Variants in KIF14 observed in about 807,000 individuals in gnomAD.
KIF14 encodes kinesin-like protein KIF14.
A neutral mutation model predicts 176.2 loss-of-function variants in KIF14; 98 were observed. The ratio of observed to expected loss-of-function variants is 0.56; its 90% CI spans 0.47 to 0.66. KIF14 has a LOEUF of 0.66. KIF14 is among the 30% of genes least tolerant of loss of function. The probability of loss-of-function intolerance (pLI) is 0.00; values close to 1 mark genes in which losing one functional copy is unlikely to be tolerated. For synonymous variants in KIF14, 566 were observed against 632.2 expected, an observed-to-expected ratio of 0.90 and a Z score of 1.57; for missense variants, 1,751 against 1,920.4, an observed-to-expected ratio of 0.91 and a Z score of 1.65.
At position 200,593,779 on chromosome 1, in the gene KIF14, T is replaced by C. The variant is rs748723136; in HGVS notation, c.2550-10A>G. On this transcript the variant is annotated splice_polypyrimidine_tract_variant and intron_variant, in intron 14 of 29. Coordinates refer to ENST00000367350, the MANE Select transcript of KIF14 (RefSeq NM_014875.3). ...AAAATTTTTGATAGTACTGTTAAAA[T>C]AAGAAGCACATAGTTAACAATTATA... is the stretch of plus-strand genomic sequence containing the variant. 1 of 1,486,068 alleles carries C rather than the reference T, an allele frequency of 6.7e-7. No individual in the cohort carries two copies. The highest frequency in any genetic ancestry group is 1.1e-5 in the South Asian group (1 of 88,300). The allele number at this position is 1,486,068 out of a possible 1,614,324, so 92.1% of individuals were successfully genotyped here. A position where few individuals can be genotyped will look rare whatever the true frequency, so the allele number is the denominator to read the frequency against.
chr1:200,589,156 T>C (rs971836924), intron 18 of KIF14, 61 bp downstream of exon 18: 1 of 1,417,908 alleles, frequency 7.1e-7, no homozygotes, highest in Non-Finnish European at 9.6e-7. Flanking sequence ...AGCCACTTCT[T>C]TGAAAAAAAA....
intron 6 of KIF14, 82 bp from the exon 7 acceptor site, chr1:200,605,976 A>T: frequency 1.4e-6 from 1 of 725,546 alleles, no homozygotes; most frequent in Non-Finnish European, 2.2e-6. Flanking sequence ...CATTTCAATT[A>T]CATATTTACG....
chr1:200,599,224 C>G (rs2794411), intron 13 of KIF14, among the ~76,000 whole-genome samples: 51,102 of 152,100 alleles, frequency 0.34, 8,844 homozygotes, highest in African/African-American at 0.35. Flanking sequence ...CAGGATAAAA[C>G]TTAATTTCCT....
intron 22 of KIF14, among the ~76,000 whole-genome samples, chr1:200,573,345 T>A (rs1657915799): frequency 6.6e-6 from 1 of 151,966 alleles, no homozygotes; most frequent in Non-Finnish European, 1.5e-5. Context: ...CCCAGGATGC[T>A]GATATCAGAC....
chr1:200,586,037 TAATTA>T, intron 19 of KIF14, 59 bp downstream of exon 19: 1 of 1,134,560 alleles, frequency 8.8e-7, no homozygotes, highest in Non-Finnish European at 1.2e-6. Flanking sequence ...AATATTTTAG[TAATTA>T]TATTACATAT....
chr1:200,611,080 A>G (rs904398419), intron 4 of KIF14, among the ~76,000 whole-genome samples: 1 of 152,200 alleles, frequency 6.6e-6, no homozygotes, highest in African/African-American at 2.4e-5. Context: ...TGAAAGATAC[A>G]GTGTAGAGGC....
At chr1:200,588,204 G>A (rs1044905663) in intron 18 of KIF14, among the ~76,000 whole-genome samples, 2 of 151,656 alleles carry the variant, frequency 1.3e-5, no homozygotes, top group African/African-American at 4.8e-5. Context: ...CAGTAGTTCT[G>A]GAGTGCGGCC....
At chr1:200,611,750 G>C (rs1660165284) in intron 4 of KIF14, among the ~76,000 whole-genome samples, 1 of 152,062 alleles carries the variant, frequency 6.6e-6, no homozygotes, top group Non-Finnish European at 1.5e-5. Flanking sequence ...TACCATCCTG[G>C]CTAATTCCAA....
At position 200,592,150 on chromosome 1, in the gene KIF14, T is replaced by A; in HGVS notation, c.2743A>T (p.Thr915Ser). ...TCTTTTGGACCCTCACTTATAGGAG[T>A]ATCTCTTCCAGATGGCCTTTTTCCT... is the stretch of plus-strand genomic sequence containing the variant. ...QKGKRPSGRD[T>S]PISEGPKDFE... is the part of the protein sequence containing the mutation. Residue 915 changes from threonine to serine, a missense_variant, in exon 16 of 30, where the codon ACT (threonine) becomes TCT (serine). Coordinates refer to ENST00000367350, the MANE Select transcript of KIF14 (RefSeq NM_014875.3). 6.2e-7 allele frequency: 1 copy of A among 1,613,740 alleles called. No homozygotes were observed.
chr1:200,606,759 C>G lies in KIF14; in HGVS notation c.1594G>C (p.Glu532Gln), dbSNP rs781262653. 6.2e-7 allele frequency: 1 copy of G among 1,613,416 alleles called. No individual in the cohort carries two copies. Among genetic ancestry groups the G allele is most frequent in the East Asian group, 2.2e-5 (1 of 44,820 alleles). ...REHPVYGPYV[E>Q]ALSMNIVSSY... is the part of the protein sequence containing the mutation. ...CCAAATACTTACATTGACAGTGCTTCAACATATGGTCCATAAACAGGATGT... is the reference window on the plus strand; with the variant it reads ...CCAAATACTTACATTGACAGTGCTTGAACATATGGTCCATAAACAGGATGT... Residue 532 changes from glutamate (E) to glutamine (Q), a missense_variant, in exon 6 of 30, where the codon GAA becomes CAA. Transcript: ENST00000367350.
intron 26 of KIF14, among the ~76,000 whole-genome samples, chr1:200,560,265 T>C (rs1441782488): frequency 2.5e-5 from 3 of 121,890 alleles, no homozygotes; most frequent in Non-Finnish European, 5.5e-5. Flanking sequence ...GTTTTTTGGT[T>C]GTTTGGTTTT....
At chr1:200,554,330 GC>G (rs1656714970) in intron 29 of KIF14, 137 bp downstream of exon 29, 2 of 549,610 alleles carry the variant, frequency 3.6e-6, no homozygotes, top group Non-Finnish European at 6.4e-6. Flanking sequence ...GTCGGAGGTT[GC>G]AGTGAGCTGA....
chr1:200,614,782 C>T (rs1660323503), intron 3 of KIF14, among the ~76,000 whole-genome samples: 1 of 87,382 alleles, frequency 1.1e-5, no homozygotes, highest in African/African-American at 4.3e-5. Flanking sequence ...TCACAACAAA[C>T]CTTGCTACAA....
chr1:200,557,330 A>G (rs752425433), intron 27 of KIF14, among the ~76,000 whole-genome samples: 3 of 152,214 alleles, frequency 2.0e-5, no homozygotes, highest in Non-Finnish European at 4.4e-5. Flanking sequence ...ACAAAAAAAC[A>G]CAAAGTGAGA....
chr1:200,569,677 A>G (rs1657671909), intron 23 of KIF14, among the ~76,000 whole-genome samples: 1 of 152,240 alleles, frequency 6.6e-6, no homozygotes. Flanking sequence ...ACATTTTGGA[A>G]CATACACATC....
chr1:200,583,708 G>A (rs546510757), intron 19 of KIF14, among the ~76,000 whole-genome samples: 307 of 152,156 alleles, frequency 2.0e-3, no homozygotes, highest in African/African-American at 6.6e-3. Flanking sequence ...TTGGGAAGCC[G>A]AGGCAGGCAG....
chr1:200,577,197 G>A (rs1558059975), intron 21 of KIF14, among the ~76,000 whole-genome samples: 1 of 151,244 alleles, frequency 6.6e-6, no homozygotes, highest in Admixed American at 6.6e-5. Context: ...GGTGGCACAT[G>A]CCTGTAATCC....
chr1:200,567,537 A>AAAG (rs1220997737), intron 23 of KIF14, among the ~76,000 whole-genome samples: 1 of 151,572 alleles, frequency 6.6e-6, no homozygotes, highest in African/African-American at 2.4e-5. Flanking sequence ...CCGTCTAAAA[A>AAAG]AAAAAAAAAA....
intron 27 of KIF14, among the ~76,000 whole-genome samples, chr1:200,556,483 C>G (rs934459103): frequency 1.6e-4 from 25 of 151,948 alleles, no homozygotes; most frequent in African/African-American, 5.6e-4. Flanking sequence ...AAACTAAAAC[C>G]CTACCATGAA....
Sources: gnomAD v4.1 joint callset for allele counts (sites outside exome capture counted in the v4.1 genomes callset) on GRCh38, gnomAD v4.1.1 for gene constraint, MANE v1.5 for transcripts, NCBI Gene and HGNC (gene_info 2026-07-23, HGNC 2026-07-21) for gene names.